GFPT2: variants seen among roughly 807,000 people sequenced by gnomAD.
The protein encoded by GFPT2 is glutamine--fructose-6-phosphate aminotransferase [isomerizing] 2.
In GFPT2, 62 loss-of-function variants were observed where a neutral mutation model predicts 85.6. That is an observed-to-expected ratio of 0.72 (90% confidence interval 0.59 to 0.90). The LOEUF (loss-of-function observed/expected upper bound fraction) is 0.90, where lower values mean the gene tolerates loss of function less well. Among genes scored for constraint, GFPT2 ranks in the 40% least tolerant of loss-of-function variants. The probability of loss-of-function intolerance (pLI) is 0.00; values close to 1 mark genes in which losing one functional copy is unlikely to be tolerated. For synonymous variants in GFPT2, 368 were observed against 344.5 expected (o/e 1.07, Z -0.75); for missense variants, 788 against 893.4 (o/e 0.88, Z 1.50).
intron 17 of GFPT2, among the ~76,000 whole-genome samples, chr5:180,303,236 A>C (rs951699694): frequency 1.4e-4 from 21 of 152,240 alleles, no homozygotes; most frequent in African/African-American, 5.1e-4. Flanking sequence ...TCACAAAAAA[A>C]AAAAAAAAAT....
Position 180,318,178 on chromosome 5 carries a change from GCA to G in GFPT2, c.958+613_958+614del, listed in dbSNP as rs1198836468. Among the ~76,000 whole-genome samples the G allele has an allele frequency of 6.6e-6, 1 of 152,112 alleles. No individual in the cohort carries two copies. Among genetic ancestry groups the G allele is most frequent in the African/African-American group, 2.4e-5 (1 of 41,424 alleles). ...CAGCGAATGCAGGGGCTGTGGCGGG[GCA>G]CAGTGGGACAGAGGGTTGAGTGTGG... On this transcript the variant is annotated intron_variant, in intron 10 of 18. Transcript: ENST00000253778. The surrounding 1 kb of genome is among the most constrained non-coding windows in gnomAD (Gnocchi z 4.2).
Position 180,336,504 on chromosome 5 carries a change from G to A in GFPT2, c.189C>T (p.Val63=), listed in dbSNP as rs1251133456. The change falls in exon 3 of 19, where the codon GTC becomes GTT. Residue 63 remains valine (V), a synonymous_variant. Coordinates refer to ENST00000253778, the MANE Select transcript of GFPT2 (RefSeq NM_005110.4). ...HIQLVKKRGK[V]KALDEELYKQ... The stretch of plus-strand genomic sequence containing the variant: ...TGTAAAGTTCTTCATCGAGAGCCTT[G>A]ACTTTCCCCCTTTTCTTGACCAGCT... 3 of 1,606,970 alleles carry A rather than the reference G, an allele frequency of 1.9e-6. No individual in the cohort carries two copies. In the African/African-American group the frequency reaches 4.0e-5, roughly 21 times the overall value.
At chr5:180,311,679 T>G (rs1307266150) in intron 15 of GFPT2, among the ~76,000 whole-genome samples, 1 of 151,740 alleles carries the variant, frequency 6.6e-6, no homozygotes, top group Non-Finnish European at 1.5e-5. Context: ...AGCCGACATG[T>G]TAGTTGGGGG....
intron 9 of GFPT2, among the ~76,000 whole-genome samples, chr5:180,319,231 TATA>T (rs138557149): frequency 0.019 from 2,970 of 152,344 alleles, 78 homozygotes; most frequent in East Asian, 0.099. Flanking sequence ...TTTAACCTAC[TATA>T]ATACCATAAT....
At chr5:180,313,464 C>A (rs1763935504) in intron 14 of GFPT2, among the ~76,000 whole-genome samples, 1 of 143,258 alleles carries the variant, frequency 7.0e-6, no homozygotes, top group African/African-American at 2.6e-5. Flanking sequence ...GGGGCGGGTG[C>A]CTGTAGTCCC....
Position 180,335,745 on chromosome 5 carries a change from G to A in GFPT2, c.340+83C>T, listed in dbSNP as rs748541644. 72 of 1,413,796 alleles carry A rather than the reference G, an allele frequency of 5.1e-5. 1 individual carries two copies. The highest frequency in any genetic ancestry group is 3.9e-4 in the South Asian group (30 of 77,912). The allele number at this position is 1,413,796 out of a possible 1,614,324, so 87.6% of individuals were successfully genotyped here. Reference sequence around the variant, plus strand: ...GCTGAGAAGTCAGTTAGAGGTGGGCGCGGAACCTGCTTTGGCGGGCACTGG... The same window carrying A: ...GCTGAGAAGTCAGTTAGAGGTGGGCACGGAACCTGCTTTGGCGGGCACTGG... On this transcript the variant is annotated intron_variant, in intron 4 of 18. Transcript: ENST00000253778.
intron 7 of GFPT2, among the ~76,000 whole-genome samples, chr5:180,327,695 T>C (rs969846455): frequency 6.6e-6 from 1 of 152,200 alleles, no homozygotes; most frequent in Non-Finnish European, 1.5e-5. Context: ...GATCAACCTA[T>C]GTGAATATAA....
chr5:180,326,456 T>TCTG lies in GFPT2; in HGVS notation c.597-1564_597-1562dup, dbSNP rs574824979. Among the ~76,000 whole-genome samples, 811 of 152,316 alleles carry TCTG rather than the reference T, an allele frequency of 5.3e-3. 4 individuals are homozygous for TCTG. Among genetic ancestry groups the TCTG allele is most frequent in the Middle Eastern group, 0.01 (3 of 294 alleles). On this transcript the variant is annotated intron_variant, in intron 7 of 18. Coordinates refer to ENST00000253778, the MANE Select transcript of GFPT2 (RefSeq NM_005110.4). ...GAATCCAGTCCACATATATCCATAA[T>TCTG]CTGTTAGCCTGACTCAATGCAGTTC...
intron 16 of GFPT2, 41 bp downstream of exon 16, chr5:180,307,135 C>A (rs1763796394): frequency 2.0e-6 from 3 of 1,494,104 alleles, no homozygotes; most frequent in Non-Finnish European, 9.1e-7. Context: ...GTCTCCTGTG[C>A]CTGTCCTCCG....
chr5:180,304,770 A>C lies in GFPT2; in HGVS notation c.1842+2T>G. 1 of 1,611,446 alleles carries C rather than the reference A, an allele frequency of 6.2e-7. No homozygotes were observed. The highest frequency in any genetic ancestry group is 8.5e-7 in the Non-Finnish European group (1 of 1,178,454). ...TGGCCCAGTCCAGTGGAGAGCCCTC[A>C]CCTGGCGGGCCGTGACTTGCTGCAG... On this transcript the variant is annotated splice_donor_variant, in intron 17 of 18. Coordinates refer to ENST00000253778, the MANE Select transcript of GFPT2 (RefSeq NM_005110.4). LOFTEE classifies it high-confidence loss of function.
chr5:180,313,469 A>G (rs55878410), intron 14 of GFPT2, among the ~76,000 whole-genome samples: 76,370 of 145,360 alleles, frequency 0.53, 20,814 homozygotes, highest in South Asian at 0.61. Context: ...GGGTGCCTGT[A>G]GTCCCAGCTA....
At chr5:180,350,378 A>C (rs1764690956) in intron 1 of GFPT2, among the ~76,000 whole-genome samples, 1 of 152,182 alleles carries the variant, frequency 6.6e-6, no homozygotes, top group African/African-American at 2.4e-5. Context: ...CTGTGCACCA[A>C]ACAAAAAGAT....
At chr5:180,326,888 T>C (rs1764219206) in intron 7 of GFPT2, among the ~76,000 whole-genome samples, 1 of 152,216 alleles carries the variant, frequency 6.6e-6, no homozygotes, top group Admixed American at 6.5e-5. Flanking sequence ...TTATTGCTTC[T>C]TCACGCTGCC....
At chr5:180,311,477 G>A (rs1393075679) in intron 15 of GFPT2, among the ~76,000 whole-genome samples, 1 of 152,248 alleles carries the variant, frequency 6.6e-6, no homozygotes, top group Non-Finnish European at 1.5e-5. Flanking sequence ...CACCAGCTAC[G>A]ACAGCTGCGA....
At chr5:180,327,908 T>G (rs1482016244) in intron 7 of GFPT2, among the ~76,000 whole-genome samples, 4 of 152,118 alleles carry the variant, frequency 2.6e-5, no homozygotes, top group African/African-American at 9.7e-5. Context: ...AGTTTCATGT[T>G]CATAATTTTG....
At chr5:180,313,770 G>A in intron 14 of GFPT2, 37 bp downstream of exon 14, 1 of 1,520,594 alleles carries the variant, frequency 6.6e-7, no homozygotes, top group Non-Finnish European at 8.8e-7. Flanking sequence ...GCCTCCGCCA[G>A]GCTCTCCCTG....
intron 15 of GFPT2, among the ~76,000 whole-genome samples, chr5:180,311,046 A>G (rs1270635850): frequency 6.6e-6 from 1 of 152,132 alleles, no homozygotes; most frequent in African/African-American, 2.4e-5. Flanking sequence ...AACTTTCAGC[A>G]AGCTGTCTCG....
chr5:180,322,034 G>A (rs184549038), intron 9 of GFPT2, among the ~76,000 whole-genome samples: 28 of 152,060 alleles, frequency 1.8e-4, no homozygotes, highest in Admixed American at 8.5e-4. Context: ...TGATCTGTCC[G>A]CCTCGGCCTC....
chr5:180,327,948 C>T (rs895037132), intron 7 of GFPT2, among the ~76,000 whole-genome samples: 3 of 152,188 alleles, frequency 2.0e-5, no homozygotes, highest in Admixed American at 1.3e-4. Flanking sequence ...CCACATTGTA[C>T]AGGCTTCAAG....
Sources: allele counts gnomAD v4.1 joint callset (sites outside exome capture counted in the v4.1 genomes callset), GRCh38; gene constraint gnomAD v4.1.1; non-coding constraint Gnocchi (gnomAD v3.1); transcripts MANE v1.5; gene names NCBI Gene and HGNC (gene_info 2026-07-23, HGNC 2026-07-21).